The following ARHGAP39 variants were observed in gnomAD, a reference collection of about 807,000 sequenced individuals.
ARHGAP39 encodes Rho GTPase activating protein 39.
ARHGAP39 carries 44 observed loss-of-function variants against 106.9 expected under a neutral mutation model. The observed-to-expected ratio is 0.41, with a 90% CI of 0.32 to 0.53. The LOEUF is 0.53. Ranked by LOEUF, ARHGAP39 falls within the 20% of genes least tolerant of loss-of-function variation. ARHGAP39 has a pLI of 0.21. For missense variants in ARHGAP39, 1,496 were observed against 1,577.3 expected (o/e 0.95, Z 0.87); for synonymous variants, 768 against 693.2 (o/e 1.11, Z -1.69).
intron 1 of ARHGAP39, among the ~76,000 whole-genome samples, chr8:144,613,711 G>C (rs1270315042): frequency 6.6e-6 from 1 of 150,926 alleles, no homozygotes; most frequent in Admixed American, 6.6e-5. Flanking sequence ...TTCATTTCTT[G>C]TGCTCAGGGG....
At chr8:144,597,975 G>A (rs1032388199) in intron 2 of ARHGAP39, among the ~76,000 whole-genome samples, 2 of 152,188 alleles carry the variant, frequency 1.3e-5, no homozygotes, top group Non-Finnish European at 2.9e-5. Flanking sequence ...GATTCCCAGA[G>A]GTGGAAACCT....
At position 144,620,079 on chromosome 8, in the gene ARHGAP39, C is replaced by T. The variant is rs566566273; in HGVS notation, c.-81-14384G>A. Among the ~76,000 whole-genome samples the T allele has an allele frequency of 1.8e-4, 23 of 129,030 alleles. 1 individual carries two copies. In the South Asian group the frequency reaches 3.2e-3, roughly 18 times the overall value. The allele number at this position is 129,030 out of a possible 152,430, so 84.6% of individuals were successfully genotyped here. Reference sequence around the variant, plus strand: ...CCCTGAGAGCGTGTCTGTGTGTGCCCGAGTGTGCGTTGAGCCTGTGTGTCC... The same window carrying T: ...CCCTGAGAGCGTGTCTGTGTGTGCCTGAGTGTGCGTTGAGCCTGTGTGTCC... On this transcript the variant is annotated intron_variant, in intron 1 of 11. Coordinates refer to ENST00000377307, the MANE Select transcript of ARHGAP39 (RefSeq NM_025251.3).
chr8:144,612,834 C>G (rs1486423824), intron 1 of ARHGAP39, among the ~76,000 whole-genome samples: 2 of 152,206 alleles, frequency 1.3e-5, no homozygotes, highest in Non-Finnish European at 2.9e-5. Flanking sequence ...GCCGGGGCAA[C>G]AGAGTGAGAT....
intron 1 of ARHGAP39, among the ~76,000 whole-genome samples, chr8:144,654,000 G>A (rs1424038910): frequency 6.6e-6 from 1 of 152,216 alleles, no homozygotes; most frequent in African/African-American, 2.4e-5. Flanking sequence ...GAGCACGGCT[G>A]TCTGGACTGC....
chr8:144,545,940 G>C, intron 5 of ARHGAP39, 130 bp from the exon 6 acceptor site: 1 of 752,276 alleles, frequency 1.3e-6, no homozygotes, highest in Non-Finnish European at 2.1e-6. Context: ...GCCCTGCCCT[G>C]CTCACCACAA....
intron 1 of ARHGAP39, among the ~76,000 whole-genome samples, chr8:144,677,155 G>A (rs2129749724): frequency 6.6e-6 from 1 of 152,322 alleles, no homozygotes; most frequent in Non-Finnish European, 1.5e-5. Flanking sequence ...TGCAGGAATG[G>A]ACCACATTGT....
chr8:144,628,866 C>T lies in ARHGAP39; in HGVS notation c.-81-23171G>A, dbSNP rs149469134. 2.6e-5 allele frequency among the ~76,000 whole-genome samples: 4 copies of T among 152,218 alleles called. No individual in the cohort carries two copies. In the South Asian group the frequency reaches 8.3e-4, roughly 32 times the overall value. On this transcript the variant is annotated intron_variant, in intron 1 of 11. Transcript: ENST00000377307. ...CCGCTGTGCCTGGGCGGGACTCATG[C>T]GATTCTTGTGATGGCAGGCGTGTCT...
chr8:144,682,661 A>G (rs1440157363), intron 1 of ARHGAP39, among the ~76,000 whole-genome samples: 1 of 152,090 alleles, frequency 6.6e-6, no homozygotes, highest in Non-Finnish European at 1.5e-5. Context: ...CCTGTCACTT[A>G]ACGTTTATTT....
At chr8:144,663,103 AT>A (rs1375012450) in intron 1 of ARHGAP39, among the ~76,000 whole-genome samples, 1 of 89,646 alleles carries the variant, frequency 1.1e-5, no homozygotes, top group Non-Finnish European at 2.1e-5. Context: ...CCTCCCCATT[AT>A]CCCCCTTGGC....
At chr8:144,622,809 C>A (rs993451512) in intron 1 of ARHGAP39, among the ~76,000 whole-genome samples, 4 of 152,280 alleles carry the variant, frequency 2.6e-5, no homozygotes, top group Non-Finnish European at 5.9e-5. Context: ...CGCAGGAGGG[C>A]CCTGGCCGGC....
intron 1 of ARHGAP39, among the ~76,000 whole-genome samples, chr8:144,613,145 C>T (rs899896589): frequency 3.9e-5 from 6 of 152,242 alleles, no homozygotes. Context: ...TTACCATTTT[C>T]TTCTCTCCTG....
At chr8:144,605,405 T>G (rs1820246659) in intron 2 of ARHGAP39, 130 bp downstream of exon 2, 2 of 997,864 alleles carry the variant, frequency 2.0e-6, no homozygotes, top group Non-Finnish European at 3.0e-6. Flanking sequence ...CATCCAGGCC[T>G]TGGGAACAGC....
At chr8:144,541,608 G>T (rs957010088) in intron 6 of ARHGAP39, among the ~76,000 whole-genome samples, 1 of 152,126 alleles carries the variant, frequency 6.6e-6, no homozygotes, top group Non-Finnish European at 1.5e-5. Context: ...CACGGAGGGA[G>T]AATCCTACAA....
At position 144,679,564 on chromosome 8, in the gene ARHGAP39, G is replaced by A. The variant is rs1822336790; in HGVS notation, c.-82+6122C>T. Among the ~76,000 whole-genome samples, 1 of 152,304 alleles carries A rather than the reference G, an allele frequency of 6.6e-6. No homozygotes were observed. On this transcript the variant is annotated intron_variant, in intron 1 of 11. Transcript: ENST00000377307. This position sits in a 1 kb window ranked among gnomAD's most constrained non-coding sequence, Gnocchi z 4.7. Reference sequence around the variant, plus strand: ...GAGAAAGCTGTCCAGTAAACTCCTGGATTTGGATTTCTTCCTTCACCAACC... The same window carrying A: ...GAGAAAGCTGTCCAGTAAACTCCTGAATTTGGATTTCTTCCTTCACCAACC...
intron 1 of ARHGAP39, among the ~76,000 whole-genome samples, chr8:144,649,301 T>C (rs1267769565): frequency 6.6e-6 from 1 of 151,460 alleles, no homozygotes; most frequent in Non-Finnish European, 1.5e-5. Flanking sequence ...AAAAAACCAA[T>C]TAGCCAGGTG....
In ARHGAP39 at chr8:144,537,727, G is replaced by A; in HGVS notation, c.2608C>T (p.Pro870Ser). The change falls in exon 7 of 12, where the codon CCG (proline) becomes TCG (serine). Residue 870 changes from proline to serine, a missense_variant. Pro to Ser is a moderately conservative substitution (Grantham distance 74). This residue lies in a region of ARHGAP39 where 470 missense variants were observed against 605.1 expected (regional missense o/e 0.78). Transcript: ENST00000377307. ...RKKPKPYVEE[P>S]DGVAISTYAK... is the part of the protein sequence containing the mutation. ...CTGCGGGGAGAGGCCCTACCATCCG[G>A]CTCTTCAACATAAGGCTTGGGTTTC... 1 of 1,613,982 alleles carries A rather than the reference G, an allele frequency of 6.2e-7. No individual in the cohort carries two copies. Among genetic ancestry groups the A allele is most frequent in the South Asian group, 1.1e-5 (1 of 91,086 alleles).
intron 1 of ARHGAP39, among the ~76,000 whole-genome samples, chr8:144,682,316 G>A (rs1822445441): frequency 6.7e-6 from 1 of 148,732 alleles, no homozygotes. Context: ...TTGGGAGGCT[G>A]AGGCGGGTGG....
chr8:144,649,233 G>A (rs1586636827), intron 1 of ARHGAP39, among the ~76,000 whole-genome samples: 1 of 151,000 alleles, frequency 6.6e-6, no homozygotes, highest in Non-Finnish European at 1.5e-5. Flanking sequence ...CACCGGTCAG[G>A]GGATCAAGAC....
chr8:144,535,644 C>G (rs1387788796), intron 7 of ARHGAP39, among the ~76,000 whole-genome samples: 1 of 152,224 alleles, frequency 6.6e-6, no homozygotes. Context: ...GGCTGGGCCT[C>G]CTGCTTGCTG....
Sources: allele counts gnomAD v4.1 joint callset (sites outside exome capture counted in the v4.1 genomes callset), GRCh38; gene constraint gnomAD v4.1.1; regional missense constraint gnomAD v4.1.1; non-coding constraint Gnocchi (gnomAD v3.1); transcripts MANE v1.5; gene names NCBI Gene and HGNC (gene_info 2026-07-23, HGNC 2026-07-21).